ANKRD42: variants seen among roughly 807,000 people sequenced by gnomAD.
ANKRD42 encodes the protein ankyrin repeat domain 42.
A neutral mutation model predicts 51.5 loss-of-function variants in ANKRD42; 43 were observed. The observed-to-expected ratio is 0.83, with a 90% CI of 0.65 to 1.08. The LOEUF (loss-of-function observed/expected upper bound fraction) is 1.08. ANKRD42 is among the 50% of genes least tolerant of loss of function. The pLI is 0.00. For missense variants in ANKRD42, 608 were observed against 629.3 expected (o/e 0.97, Z 0.36); for synonymous variants, 203 against 213.0 (o/e 0.95, Z 0.41).
At position 83,222,196 on chromosome 11, in the gene ANKRD42, T is replaced by C. The variant is rs142305023; in HGVS notation, c.587-2659T>C. Among the ~76,000 whole-genome samples the C allele has an allele frequency of 8.5e-5, 13 of 152,332 alleles. No homozygotes were observed. The East Asian group carries it at 2.3e-3, about 27-fold the overall frequency. On this transcript the variant is annotated intron_variant, in intron 5 of 10. Transcript: ENST00000533342. ...CTATTGCTAGTGATAATCTCAGTGC[T>C]GTATATTTGTTTTTGTTTTCTTTGA...
At chr11:83,258,213 A>G (rs1246905079), downstream of ANKRD42, among the ~76,000 whole-genome samples, 2 of 152,132 alleles carry the variant, frequency 1.3e-5, no homozygotes, top group African/African-American at 4.8e-5. Flanking sequence ...AAATAAACCT[A>G]ATCTTATTTA....
At chr11:83,234,654 CG>C (rs1863174349) in intron 7 of ANKRD42, among the ~76,000 whole-genome samples, 1 of 152,176 alleles carries the variant, frequency 6.6e-6, no homozygotes. Context: ...CATTCTGTCT[CG>C]TAAAATTCAG....
intron 6 of ANKRD42, among the ~76,000 whole-genome samples, chr11:83,225,772 C>T (rs1156842741): frequency 9.4e-6 from 1 of 106,742 alleles, no homozygotes; most frequent in African/African-American, 4.1e-5. Flanking sequence ...AAGAGCGAAA[C>T]TCCATCCTGG....
At chr11:83,245,347 C>A (rs1229374108) in intron 9 of ANKRD42, 151 bp from the exon 10 acceptor site, 1 of 700,862 alleles carries the variant, frequency 1.4e-6, no homozygotes, top group East Asian at 2.8e-5. Context: ...GATATTTATC[C>A]TTCTTTGTAT....
chr11:83,210,080 C>T lies in ANKRD42; in HGVS notation c.331-220C>T, dbSNP rs532082721. 124 of 433,652 alleles carry T rather than the reference C, an allele frequency of 2.9e-4. 1 individual carries two copies. In the South Asian group the frequency reaches 4.2e-3, roughly 15 times the overall value. 26.9% of individuals were successfully genotyped at this position (433,652 alleles called of 1,614,324 possible). A position where few individuals can be genotyped will look rare whatever the true frequency, so the allele number is the denominator to read the frequency against. ...CAAGAAATCTGTTCATGTTAAAAGC[C>T]TTGATTAGAGAGGAAGTTTTTGTAA... is the stretch of plus-strand genomic sequence containing the variant. On this transcript the variant is annotated intron_variant, in intron 3 of 10. Transcript: ENST00000533342.
intron 5 of ANKRD42, chr11:83,213,463 A>G: frequency 7.2e-7 from 1 of 1,397,636 alleles, no homozygotes; most frequent in Non-Finnish European, 9.3e-7. Context: ...AAGAAAAACC[A>G]AAAAACAACA....
In ANKRD42 at chr11:83,243,967, C is replaced by T. The variant is rs1218950400; in HGVS notation, c.1196-1531C>T. Among the ~76,000 whole-genome samples, 30 of 66,964 alleles carry T rather than the reference C, an allele frequency of 4.5e-4. 1 individual carries two copies. Among genetic ancestry groups the T allele is most frequent in the East Asian group, 1.9e-3 (4 of 2,112 alleles). The allele number at this position is 66,964 out of a possible 152,430, so 43.9% of individuals were successfully genotyped here. Reference sequence around the variant, plus strand: ...GCGTGAACCACCTCGCCTGGCTGCCCTTTTTTTTTTTTTTTTTTTTTTTTT... The same window carrying T: ...GCGTGAACCACCTCGCCTGGCTGCCTTTTTTTTTTTTTTTTTTTTTTTTTT... On this transcript the variant is annotated intron_variant, in intron 9 of 10. Coordinates refer to ENST00000533342, the MANE Select transcript of ANKRD42 (RefSeq NM_001300975.2).
At chr11:83,204,239 A>C (rs1024532218) in intron 2 of ANKRD42, among the ~76,000 whole-genome samples, 10 of 152,196 alleles carry the variant, frequency 6.6e-5, no homozygotes, top group African/African-American at 2.4e-4. Flanking sequence ...CACTGCACCC[A>C]GCCGGTCAAT....
intron 7 of ANKRD42, among the ~76,000 whole-genome samples, chr11:83,234,400 T>C (rs1863166787): frequency 6.6e-6 from 1 of 152,224 alleles, no homozygotes; most frequent in Admixed American, 6.5e-5. Context: ...TGACTTCTCC[T>C]TTTTAAACTT....
intron 5 of ANKRD42, among the ~76,000 whole-genome samples, chr11:83,221,686 G>A (rs770579649): frequency 2.0e-5 from 3 of 152,156 alleles, no homozygotes; most frequent in Non-Finnish European, 4.4e-5. Flanking sequence ...AATTGGGGAG[G>A]TCCTAAATGG....
chr11:83,196,825 C>G (rs1041600780), intron 1 of ANKRD42, among the ~76,000 whole-genome samples: 7 of 152,064 alleles, frequency 4.6e-5, no homozygotes, highest in Non-Finnish European at 1.0e-4. Flanking sequence ...TAGATGGAGC[C>G]AAATTATGGG....
chr11:83,209,367 C>T (rs762572659), intron 3 of ANKRD42: 17 of 1,512,106 alleles, frequency 1.1e-5, no homozygotes, highest in Admixed American at 7.8e-5. Flanking sequence ...AGGTTGGCAG[C>T]GCGGGGCTGC....
rs373772457 is a variant in ANKRD42 at position 83,230,525 on chromosome 11, G to T, written c.913+2653G>T. ...ATGCAAAGTTTGTCTTTGTGTGCCT[G>T]GCTTATTTCACCTAACATGATGATC... On this transcript the variant is annotated intron_variant, in intron 7 of 10. Transcript: ENST00000533342. Among the ~76,000 whole-genome samples the T allele has an allele frequency of 1.1e-4, 17 of 152,116 alleles. No individual in the cohort carries two copies. The East Asian group carries it at 2.5e-3, about 22-fold the overall frequency.
intron 6 of ANKRD42, among the ~76,000 whole-genome samples, chr11:83,226,106 T>C (rs1862873976): frequency 6.6e-6 from 1 of 152,204 alleles, no homozygotes. Flanking sequence ...TTGTTATTTT[T>C]ATTTGTTTCT....
intron 5 of ANKRD42, chr11:83,215,285 T>TA (rs557317672): frequency 6.6e-6 from 1 of 152,294 alleles, no homozygotes; most frequent in South Asian, 2.1e-4. Flanking sequence ...TAAATATAGC[T>TA]ACTCTTTTTC....
chr11:83,241,632 A>G (rs1389610303), intron 9 of ANKRD42, among the ~76,000 whole-genome samples: 2 of 152,208 alleles, frequency 1.3e-5, no homozygotes, highest in South Asian at 2.1e-4. Flanking sequence ...TTGGTCTGAA[A>G]GGTAAGCAGG....
At chr11:83,257,858 C>T (rs1026964174), downstream of ANKRD42, among the ~76,000 whole-genome samples, 2 of 152,182 alleles carry the variant, frequency 1.3e-5, no homozygotes, top group African/African-American at 4.8e-5. Flanking sequence ...CCCTGGTTGT[C>T]CTCCAAAATC....
At chr11:83,195,599 C>A (rs1000794057) in intron 1 of ANKRD42, among the ~76,000 whole-genome samples, 1 of 152,176 alleles carries the variant, frequency 6.6e-6, no homozygotes, top group African/African-American at 2.4e-5. Context: ...CTCTGTCCTT[C>A]AGTGTTTGCT....
chr11:83,260,412 C>T (rs1188732036), downstream of ANKRD42: 2 of 152,086 alleles, frequency 1.3e-5, no homozygotes, highest in African/African-American at 4.8e-5. Flanking sequence ...GAAAATTAAT[C>T]TATAATATAC....
Sources: allele counts gnomAD v4.1 joint callset (sites outside exome capture counted in the v4.1 genomes callset), GRCh38; gene constraint gnomAD v4.1.1; transcripts MANE v1.5; gene names NCBI Gene and HGNC (gene_info 2026-07-23, HGNC 2026-07-21).